Variants in KIAA2012 observed in about 807,000 individuals in gnomAD.
The protein encoded by KIAA2012 is uncharacterized protein KIAA2012.
In KIAA2012, 125 loss-of-function variants were observed where a neutral mutation model predicts 150.6. The ratio of observed to expected loss-of-function variants is 0.83; its 90% confidence interval spans 0.72 to 0.96. The LOEUF is 0.96. Ranked by LOEUF, KIAA2012 falls within the 40% of genes least tolerant of loss-of-function variation. KIAA2012 has a pLI of 0.00. For synonymous variants in KIAA2012, 462 were observed against 504.7 expected (o/e 0.92, Z 1.13); for missense variants, 1,219 against 1,354.9 (o/e 0.90, Z 1.57).
At chr2:202,192,551 G>C (rs757359068) in intron 19 of KIAA2012, among the ~76,000 whole-genome samples, 2 of 150,484 alleles carry the variant, frequency 1.3e-5, no homozygotes, top group Admixed American at 6.7e-5. Flanking sequence ...TCTGCCTCCC[G>C]GGTTCAAGCA....
intron 7 of KIAA2012, among the ~76,000 whole-genome samples, chr2:202,101,653 C>G (rs1049775361): frequency 6.6e-6 from 1 of 152,178 alleles, no homozygotes; most frequent in African/African-American, 2.4e-5. Flanking sequence ...TTTGAGTTTC[C>G]ACATTGATTT....
intron 14 of KIAA2012, 41 bp downstream of exon 14, chr2:202,154,851 AAC>A: frequency 6.6e-7 from 1 of 1,521,134 alleles, no homozygotes; most frequent in Non-Finnish European, 8.8e-7. Flanking sequence ...TATAGACACA[AAC>A]ACAGGAATTC....
At chr2:202,082,436 TG>T (rs1689471125) in intron 2 of KIAA2012, among the ~76,000 whole-genome samples, 1 of 152,098 alleles carries the variant, frequency 6.6e-6, no homozygotes, top group Non-Finnish European at 1.5e-5. Context: ...TCCCACTCCA[TG>T]GGTTGCCTGC....
At chr2:202,160,814 T>C (rs1691638540) in intron 14 of KIAA2012, among the ~76,000 whole-genome samples, 1 of 152,224 alleles carries the variant, frequency 6.6e-6, no homozygotes, top group African/African-American at 2.4e-5. Context: ...GTTAAGCCTT[T>C]TGAGAACTCT....
chr2:202,098,990 G>A (rs959161464), intron 5 of KIAA2012, among the ~76,000 whole-genome samples: 1 of 149,084 alleles, frequency 6.7e-6, no homozygotes, highest in Non-Finnish European at 1.5e-5. Context: ...ATTTCTTTTT[G>A]GGGGGTGGTG....
At chr2:202,201,994 AC>A in intron 22 of KIAA2012, 1 of 598,440 alleles carries the variant, frequency 1.7e-6, no homozygotes, top group Non-Finnish European at 3.0e-6. Flanking sequence ...GTCTAGCGTT[AC>A]CCAACGCCTG....
At position 202,194,298 on chromosome 2, in the gene KIAA2012, G is replaced by A; in HGVS notation, c.3123G>A (p.Glu1041=). 1 of 1,550,590 alleles carries A rather than the reference G, an allele frequency of 6.4e-7. No homozygotes were observed. The highest frequency in any genetic ancestry group is 8.7e-7 in the Non-Finnish European group (1 of 1,146,998). ...AAQERARQQQ[E]EFRRKLRELQ... ...AGGAGAGAGCCCGGCAACAGCAAGA[G>A]GAGTTTCGGAGGAAACTGCGAGAAC... is the stretch of plus-strand genomic sequence containing the variant. The change falls in exon 21 of 24, where the codon GAG becomes GAA. Residue 1041 remains glutamate (E), a synonymous_variant. Transcript: ENST00000498697.
At chr2:202,103,375 C>T (rs1575012913) in intron 8 of KIAA2012, among the ~76,000 whole-genome samples, 1 of 151,982 alleles carries the variant, frequency 6.6e-6, no homozygotes, top group African/African-American at 2.4e-5. Flanking sequence ...CAGGTATTTA[C>T]ATAAGTAAGT....
chr2:202,112,181 G>A (rs938047618), intron 10 of KIAA2012, among the ~76,000 whole-genome samples: 7 of 152,236 alleles, frequency 4.6e-5, no homozygotes, highest in African/African-American at 1.4e-4. Flanking sequence ...AGGACCAAGC[G>A]ATAAGAGGAT....
Position 202,097,510 on chromosome 2 carries a change from G to A in KIAA2012, c.761G>A (p.Gly254Asp), listed in dbSNP as rs1465866393. ...VDQGPLAKNHGSQGTRLPPRR... is the reference protein window; with the variant it reads ...VDQGPLAKNHDSQGTRLPPRR... ...CAGGGCCCTCTAGCCAAGAACCATG[G>A]CAGTCAGGGGACTCGCTTGCCACCA... Residue 254 changes from glycine to aspartate, a missense_variant, in exon 5 of 24, where the codon GGC becomes GAC. Physicochemically the swap from Gly to Asp is moderately conservative, Grantham distance 94 (BLOSUM62 -1). Transcript: ENST00000498697. 3 of 1,550,518 alleles carry A rather than the reference G, an allele frequency of 1.9e-6. No homozygotes were observed. In the East Asian group the frequency reaches 7.3e-5, roughly 38 times the overall value.
intron 13 of KIAA2012, among the ~76,000 whole-genome samples, chr2:202,146,071 C>T (rs933842626): frequency 6.6e-6 from 1 of 152,124 alleles, no homozygotes; most frequent in Non-Finnish European, 1.5e-5. Flanking sequence ...CTTACAACAT[C>T]CCCATGTAGT....
At chr2:202,091,052 A>G (rs547302825) in intron 3 of KIAA2012, 123 bp downstream of exon 3, 12 of 1,293,858 alleles carry the variant, frequency 9.3e-6, no homozygotes, top group South Asian at 8.1e-5. Context: ...GTGTTAAAGC[A>G]AAGTCCCCAC....
Position 202,141,731 on chromosome 2 carries a change from G to A in KIAA2012, c.1908+3223G>A, listed in dbSNP as rs559735060. Among the ~76,000 whole-genome samples the A allele has an allele frequency of 2.0e-5, 3 of 152,158 alleles. No homozygotes were observed. In the South Asian group the frequency reaches 6.2e-4, roughly 32 times the overall value. ...ATTTGATTAAGGGAAATTAGTTCCC[G>A]GGATACTTTCAGAGACAGAGTATTG... On this transcript the variant is annotated intron_variant, in intron 13 of 23. Transcript: ENST00000498697.
At position 202,138,483 on chromosome 2, in the gene KIAA2012, C is replaced by A. The variant is rs146921646; in HGVS notation, c.1883C>A (p.Pro628Gln). 558 of 1,550,244 alleles carry A rather than the reference C, an allele frequency of 3.6e-4. 5 individuals are homozygous for A. In the East Asian group the frequency reaches 0.013, roughly 36 times the overall value. The change falls in exon 13 of 24, where the codon CCG becomes CAG. Residue 628 changes from proline to glutamine, a missense_variant. Physicochemically the swap from Pro to Gln is moderately conservative, Grantham distance 76. Transcript: ENST00000498697. Reference protein sequence around the residue: ...NLHMNLYETSPLTQTTEKQGA... With the variant: ...NLHMNLYETSQLTQTTEKQGA... The stretch of plus-strand genomic sequence containing the variant: ...CACATGAACCTTTATGAAACCTCAC[C>A]GTTGACCCAAACAACAGAGAAGCAG...
intron 2 of KIAA2012, among the ~76,000 whole-genome samples, chr2:202,088,081 T>C (rs1335651439): frequency 6.6e-6 from 1 of 151,864 alleles, no homozygotes; most frequent in East Asian, 1.9e-4. Context: ...CAATGTAAAG[T>C]ATAGGGAGGA....
Position 202,151,937 on chromosome 2 carries a change from A to T in KIAA2012, c.1909-2736A>T, listed in dbSNP as rs368192441. Among the ~76,000 whole-genome samples the T allele has an allele frequency of 1.3e-4, 20 of 151,708 alleles. No individual in the cohort carries two copies. In the East Asian group the frequency reaches 3.1e-3, roughly 24 times the overall value. On this transcript the variant is annotated intron_variant, in intron 13 of 23. Transcript: ENST00000498697. ...CACCACACCCAGCTAATTTTCTTTAAATTTTTTTGTAAAGACAGGATCTCA... is the reference window on the plus strand; with the variant it reads ...CACCACACCCAGCTAATTTTCTTTATATTTTTTTGTAAAGACAGGATCTCA...
intron 22 of KIAA2012, chr2:202,201,766 CA>C: frequency 7.6e-7 from 1 of 1,318,062 alleles, no homozygotes; most frequent in Non-Finnish European, 1.1e-6. Flanking sequence ...TCTGAGTAGG[CA>C]GTCGGAGCAT....
intron 15 of KIAA2012, among the ~76,000 whole-genome samples, chr2:202,167,965 A>G (rs539265590): frequency 1.4e-3 from 212 of 152,294 alleles, no homozygotes; most frequent in Non-Finnish European, 2.4e-3. Flanking sequence ...CCCAGGGTTC[A>G]AGTTCTAGCA....
In KIAA2012 at chr2:202,085,352, A is replaced by G. The variant is rs184560498; in HGVS notation, c.370-5418A>G. Among the ~76,000 whole-genome samples the G allele has an allele frequency of 1.4e-4, 21 of 152,302 alleles. No homozygotes were observed. In the Middle Eastern group the frequency reaches 0.01, roughly 74 times the overall value. On this transcript the variant is annotated intron_variant, in intron 2 of 23. Coordinates refer to ENST00000498697, the MANE Select transcript of KIAA2012 (RefSeq NM_001277372.4). ...CAATAGATGGCCTCGAAATGGGGAT[A>G]TTATCTTGGATGATCCAGGTGGACC...
Sources: gnomAD v4.1 joint callset for allele counts (sites outside exome capture counted in the v4.1 genomes callset) on GRCh38, gnomAD v4.1.1 for gene constraint, MANE v1.5 for transcripts, NCBI Gene and HGNC (gene_info 2026-07-23, HGNC 2026-07-21) for gene names.